The following NUP98 variants were observed in gnomAD, a reference collection of about 807,000 sequenced individuals.
NUP98 encodes the protein nucleoporin 98 and 96 precursor.
In NUP98, 26 loss-of-function variants were observed where a neutral mutation model predicts 191.9. That is an observed-to-expected ratio of 0.14 (90% CI 0.10 to 0.19). The LOEUF is 0.19. Among genes scored for constraint, NUP98 ranks in the 10% least tolerant of loss-of-function variants. The pLI, the probability that NUP98 is intolerant of heterozygous loss-of-function variation, is 1.00. For missense variants in NUP98, 1,941 were observed against 2,178.8 expected, an observed-to-expected ratio of 0.89 and a Z score of 2.17; for synonymous variants, 808 against 778.4, an observed-to-expected ratio of 1.04 and a Z score of -0.63.
chr11:3,787,488 C>T (rs891724008), intron 1 of NUP98, among the ~76,000 whole-genome samples: 7 of 152,114 alleles, frequency 4.6e-5, no homozygotes, highest in Non-Finnish European at 1.0e-4. Context: ...GAGACTGAGG[C>T]AGGAGAGTCG....
intron 10 of NUP98, 190 bp downstream of exon 10, chr11:3,760,349 A>C (rs1272017946): frequency 4.1e-6 from 3 of 739,908 alleles, no homozygotes; most frequent in Non-Finnish European, 6.7e-6. Context: ...AGGACTTTAA[A>C]CCTTTCCCTC....
rs1355773748 is a variant in NUP98 at position 3,705,237 on chromosome 11, G to A, written c.3045C>T (p.Pro1015=). 1 of 1,614,182 alleles carries A rather than the reference G, an allele frequency of 6.2e-7. No homozygotes were observed. Among genetic ancestry groups the A allele is most frequent in the East Asian group, 2.2e-5 (1 of 44,890 alleles). Residue 1015 remains proline (P), a synonymous_variant, in exon 22 of 33, where the codon CCC becomes CCT. Coordinates refer to ENST00000324932, the MANE Select transcript of NUP98 (RefSeq NM_016320.5). The part of the protein sequence containing the change: ...TSQEICSPRL[P]ISASHSSKTR... Reference sequence around the variant, plus strand: ...TTTTCGACGAGTGGGATGCTGAAATGGGGAGTCTGGGAGAACAGATTTCTT... The same window carrying A: ...TTTTCGACGAGTGGGATGCTGAAATAGGGAGTCTGGGAGAACAGATTTCTT...
chr11:3,781,334 G>C (rs2081959942), intron 2 of NUP98: 1 of 151,686 alleles, frequency 6.6e-6, no homozygotes, highest in African/African-American at 2.4e-5. Flanking sequence ...TGGGATATAA[G>C]TACATGAGAG....
intron 1 of NUP98, among the ~76,000 whole-genome samples, chr11:3,786,936 T>C (rs1328385369): frequency 1.3e-5 from 2 of 152,240 alleles, no homozygotes; most frequent in Non-Finnish European, 2.9e-5. Flanking sequence ...TTAAACTCCT[T>C]TGTATCAAAG....
At chr11:3,771,522 G>A (rs749938934) in intron 7 of NUP98, among the ~76,000 whole-genome samples, 1 of 152,068 alleles carries the variant, frequency 6.6e-6, no homozygotes, top group Non-Finnish European at 1.5e-5. Context: ...CTTCAGATAC[G>A]TCACTGCTCA....
In NUP98 at chr11:3,753,329, T is replaced by C; in HGVS notation, c.1254A>G (p.Ala418=). The C allele has an allele frequency of 6.2e-7, 1 of 1,613,936 alleles. No individual in the cohort carries two copies. ...GCAGTTTCTTACCTGTTCCAAATCCTGCACCAAGCCCAGTTCCAAGAGTCC... is the reference window on the plus strand; with the variant it reads ...GCAGTTTCTTACCTGTTCCAAATCCCGCACCAAGCCCAGTTCCAAGAGTCC... ...APGTLGTGLG[A]GFGTALGAGQ... is the part of the protein sequence containing the mutation. The change falls in exon 11 of 33, where the codon GCA becomes GCG. Residue 418 remains alanine (A), a synonymous_variant. Coordinates refer to ENST00000324932, the MANE Select transcript of NUP98 (RefSeq NM_016320.5).
At chr11:3,780,414 T>C (rs1004433641) in intron 2 of NUP98, among the ~76,000 whole-genome samples, 2 of 144,130 alleles carry the variant, frequency 1.4e-5, no homozygotes, top group Non-Finnish European at 3.0e-5. Flanking sequence ...TGGTGGAGGG[T>C]GCCTGTAGTC....
chr11:3,780,541 C>CAAAAA (rs142060672), intron 2 of NUP98, among the ~76,000 whole-genome samples: 121 of 74,696 alleles, frequency 1.6e-3, no homozygotes, highest in South Asian at 4.0e-3. Context: ...GACTCCATCT[C>CAAAAA]AAAAAAAAAA....
intron 1 of NUP98, among the ~76,000 whole-genome samples, chr11:3,790,426 T>C (rs901290187): frequency 1.3e-5 from 2 of 152,214 alleles, no homozygotes; most frequent in African/African-American, 4.8e-5. Context: ...TCTAGATTAG[T>C]GGTTCTCAAA....
intron 1 of NUP98, among the ~76,000 whole-genome samples, chr11:3,783,482 T>C (rs1028934869): frequency 6.6e-6 from 1 of 152,122 alleles, no homozygotes; most frequent in Non-Finnish European, 1.5e-5. Flanking sequence ...GTGGATCACC[T>C]GAGCTCAGGA....
chr11:3,721,640 A>C (rs11029466), intron 16 of NUP98, among the ~76,000 whole-genome samples: 27,464 of 152,086 alleles, frequency 0.18, 2,624 homozygotes, highest in Non-Finnish European at 0.22. Flanking sequence ...CAGAGGATGC[A>C]GTGAGCTGAG....
chr11:3,737,697 T>TCTTC (rs1241522599), intron 12 of NUP98, among the ~76,000 whole-genome samples: 10 of 150,918 alleles, frequency 6.6e-5, no homozygotes, highest in African/African-American at 2.5e-4. Context: ...GAGTCAAAGG[T>TCTTC]TTCTTAAAAT....
chr11:3,733,352 T>C (rs1359128810), intron 13 of NUP98, among the ~76,000 whole-genome samples: 2 of 152,144 alleles, frequency 1.3e-5, no homozygotes, highest in Non-Finnish European at 2.9e-5. Context: ...GCTCTTGTCA[T>C]CTGGGCTGGA....
At chr11:3,755,895 G>A (rs941079627) in intron 10 of NUP98, among the ~76,000 whole-genome samples, 10 of 152,044 alleles carry the variant, frequency 6.6e-5, no homozygotes, top group Non-Finnish European at 1.0e-4. Flanking sequence ...CCTGGGAGGC[G>A]AAGGTTGCAG....
intron 14 of NUP98, among the ~76,000 whole-genome samples, chr11:3,728,834 T>C (rs1448090686): frequency 6.6e-6 from 1 of 152,186 alleles, no homozygotes; most frequent in Non-Finnish European, 1.5e-5. Flanking sequence ...ACTAGGGTAA[T>C]AGCAATGAAT....
chr11:3,709,674 G>GA (rs767248887), intron 20 of NUP98, among the ~76,000 whole-genome samples: 125 of 131,938 alleles, frequency 9.5e-4, no homozygotes, highest in East Asian at 2.6e-3. Context: ...CTTTGCCTCA[G>GA]AAAAAAAAAA....
At chr11:3,716,033 T>G (rs1001014522) in intron 18 of NUP98, among the ~76,000 whole-genome samples, 27 of 152,344 alleles carry the variant, frequency 1.8e-4, no homozygotes, top group Admixed American at 1.7e-3. Context: ...TTCTTATAGG[T>G]TGCCTTTTCA....
intron 20 of NUP98, chr11:3,712,292 G>C: frequency 3.3e-6 from 4 of 1,210,394 alleles, no homozygotes; most frequent in Non-Finnish European, 4.1e-6. Context: ...AGAGAATTCA[G>C]CAAGTCCAAA....
intron 1 of NUP98, among the ~76,000 whole-genome samples, chr11:3,787,393 C>T (rs2082177672): frequency 6.6e-6 from 1 of 151,602 alleles, no homozygotes; most frequent in South Asian, 2.1e-4. Context: ...ACCAGACTGG[C>T]CAATAGGGTG....
Sources: gnomAD v4.1 joint callset for allele counts (sites outside exome capture counted in the v4.1 genomes callset) on GRCh38, gnomAD v4.1.1 for gene constraint, MANE v1.5 for transcripts, NCBI Gene and HGNC (gene_info 2026-07-23, HGNC 2026-07-21) for gene names.